LGSN: variants seen among roughly 807,000 people sequenced by gnomAD.
LGSN encodes the protein lengsin, lens protein with glutamine synthetase domain.
A neutral mutation model predicts 19.5 loss-of-function variants in LGSN; 21 were observed. The ratio of observed to expected loss-of-function variants is 1.07; its 90% CI spans 0.76 to 1.55. LGSN has a LOEUF of 1.55. Among genes scored for constraint, LGSN ranks in the 40% most tolerant of loss-of-function variants. LGSN has a pLI of 0.00. For missense variants in LGSN, 673 were observed against 608.5 expected, an observed-to-expected ratio of 1.11 and a Z score of -1.12; for synonymous variants, 257 against 215.6, an observed-to-expected ratio of 1.19 and a Z score of -1.68.
chr6:63,446,837 G>A, the LGSN span, among the ~76,000 whole-genome samples: 4 of 152,294 alleles, frequency 2.6e-5, no homozygotes, highest in East Asian at 3.9e-4. Flanking sequence ...ATCACCTGAG[G>A]TTGGGAGTTT....
At chr6:63,494,556 A>T in the LGSN span, among the ~76,000 whole-genome samples, 7 of 152,344 alleles carry the variant, frequency 4.6e-5, no homozygotes, top group Admixed American at 1.3e-4. Flanking sequence ...GCATTTTACC[A>T]ATTACTGAAA....
the LGSN span, among the ~76,000 whole-genome samples, chr6:63,394,128 G>C: frequency 6.6e-6 from 1 of 152,148 alleles, no homozygotes; most frequent in Non-Finnish European, 1.5e-5. Context: ...TTAGCTGGGC[G>C]TGGTGGGCGA....
At chr6:63,288,711 T>C (rs1312257849) in intron 2 of LGSN, among the ~76,000 whole-genome samples, 1 of 152,200 alleles carries the variant, frequency 6.6e-6, no homozygotes, top group Middle Eastern at 3.2e-3. Context: ...AGCAGGATTG[T>C]TTCTTCTAAA....
chr6:63,402,170 T>C, the LGSN span, among the ~76,000 whole-genome samples: 1 of 152,238 alleles, frequency 6.6e-6, no homozygotes, highest in East Asian at 1.9e-4. Flanking sequence ...ACGAAAGAAA[T>C]ATATATAGTT....
At chr6:63,318,790 A>C (rs1331621293) in intron 1 of LGSN, among the ~76,000 whole-genome samples, 3 of 152,206 alleles carry the variant, frequency 2.0e-5, no homozygotes, top group Non-Finnish European at 4.4e-5. Context: ...GAGTTCTGCC[A>C]TGGGATCAGA....
chr6:63,362,539 A>G, the LGSN span, among the ~76,000 whole-genome samples: 2 of 152,212 alleles, frequency 1.3e-5, no homozygotes, highest in East Asian at 1.9e-4. Flanking sequence ...ACGGCACACC[A>G]GGAGATTATA....
At chr6:63,444,790 C>T in the LGSN span, among the ~76,000 whole-genome samples, 8 of 152,168 alleles carry the variant, frequency 5.3e-5, no homozygotes, top group Non-Finnish European at 1.2e-4. Context: ...CTGGTTGAAT[C>T]AGCACAAAAA....
chr6:63,519,921 GA>G, the LGSN span, among the ~76,000 whole-genome samples: 1 of 152,186 alleles, frequency 6.6e-6, no homozygotes, highest in Non-Finnish European at 1.5e-5. Context: ...AAATGGACTT[GA>G]AATAGACATT....
chr6:63,407,148 A>T, the LGSN span, among the ~76,000 whole-genome samples: 1 of 151,984 alleles, frequency 6.6e-6, no homozygotes, highest in East Asian at 1.9e-4. Context: ...CAATCAATAG[A>T]AAAAGAGGGA....
the LGSN span, among the ~76,000 whole-genome samples, chr6:63,415,984 T>C: frequency 6.6e-6 from 1 of 152,132 alleles, no homozygotes; most frequent in Non-Finnish European, 1.5e-5. Flanking sequence ...AAATAAAACA[T>C]CCAAAATGAA....
At chr6:63,572,133 A>G in the LGSN span, 3 of 152,178 alleles carry the variant, frequency 2.0e-5, no homozygotes, top group African/African-American at 7.3e-5. Context: ...ACATGTGTGC[A>G]CTCCTGGACC....
chr6:63,454,566 G>A, the LGSN span, among the ~76,000 whole-genome samples: 1 of 143,682 alleles, frequency 7.0e-6, no homozygotes, highest in Non-Finnish European at 1.5e-5. Flanking sequence ...TCCGCCTCCC[G>A]GGTTCAAGCA....
chr6:63,280,487 A>G lies in LGSN; in HGVS notation c.1064T>C (p.Leu355Pro). Residue 355 changes from leucine to proline, a missense_variant, in exon 4 of 4, where the codon CTC becomes CCC. Leu to Pro is a moderately conservative substitution (Grantham distance 98). Coordinates refer to ENST00000370657, the MANE Select transcript of LGSN (RefSeq NM_016571.3). ...AACAGAAGGCGCCATCAGGCAGCTG[A>G]GCGCAGCAGAGTGCTTCAAGAGTCC... Reference protein sequence around the residue: ...LAGLLKHSAALSCLMAPSVSC... With the variant: ...LAGLLKHSAAPSCLMAPSVSC... 1 of 1,614,160 alleles carries G rather than the reference A, an allele frequency of 6.2e-7. No individual in the cohort carries two copies. Among genetic ancestry groups the G allele is most frequent in the African/African-American group, 1.3e-5 (1 of 75,066 alleles).
At chr6:63,301,433 T>C (rs1214013822) in intron 1 of LGSN, among the ~76,000 whole-genome samples, 1 of 152,032 alleles carries the variant, frequency 6.6e-6, no homozygotes, top group Non-Finnish European at 1.5e-5. Context: ...TAAAGGTTCT[T>C]TCAAAATGAA....
At chr6:63,348,138 G>A in the LGSN span, among the ~76,000 whole-genome samples, 2 of 152,170 alleles carry the variant, frequency 1.3e-5, no homozygotes, top group Non-Finnish European at 2.9e-5. Flanking sequence ...CGTAAATACA[G>A]CAGCTCAGGA....
the LGSN span, among the ~76,000 whole-genome samples, chr6:63,560,920 G>T: frequency 6.6e-6 from 1 of 152,068 alleles, no homozygotes. Flanking sequence ...AAAAGGAAGG[G>T]CAGATTTTCA....
chr6:63,529,107 G>GTA, the LGSN span, among the ~76,000 whole-genome samples: 87 of 143,736 alleles, frequency 6.1e-4, 1 homozygote, highest in South Asian at 2.2e-3. Flanking sequence ...ATATATGTGT[G>GTA]TATATATATA....
chr6:63,433,600 C>T, the LGSN span, among the ~76,000 whole-genome samples: 1 of 152,182 alleles, frequency 6.6e-6, no homozygotes, highest in African/African-American at 2.4e-5. Flanking sequence ...CAATCACATC[C>T]AACTACTACT....
chr6:63,432,692 GAA>G, the LGSN span, among the ~76,000 whole-genome samples: 1 of 136,116 alleles, frequency 7.3e-6, no homozygotes. Context: ...ACTCTGTCTC[GAA>G]AAAAAAAAAA....
Sources: allele counts gnomAD v4.1 joint callset (sites outside exome capture counted in the v4.1 genomes callset), GRCh38; gene constraint gnomAD v4.1.1; transcripts MANE v1.5; gene names NCBI Gene and HGNC (gene_info 2026-07-23, HGNC 2026-07-21).